FHAD1: variants seen among roughly 807,000 people sequenced by gnomAD.
FHAD1 encodes the protein forkhead-associated domain-containing protein 1.
In FHAD1, 146 loss-of-function variants were observed where a neutral mutation model predicts 191.3. That is an observed-to-expected ratio of 0.76 (90% CI 0.67 to 0.88). The LOEUF (loss-of-function observed/expected upper bound fraction) is 0.88, where lower values mean the gene tolerates loss of function less well. Among genes scored for constraint, FHAD1 ranks in the 40% least tolerant of loss-of-function variants. The pLI is 0.00. For missense variants in FHAD1, 1,635 were observed against 1,785.8 expected (o/e 0.92, Z 1.52); for synonymous variants, 616 against 672.3 (o/e 0.92, Z 1.29).
chr1:15,328,503 A>C (rs1471452793), intron 13 of FHAD1, 74 bp downstream of exon 13: 1 of 1,264,604 alleles, frequency 7.9e-7, no homozygotes, highest in East Asian at 3.0e-5. Context: ...GAAATTGCCC[A>C]GCTTTTTTGG....
chr1:15,347,936 T>C (rs1455097877), intron 18 of FHAD1, among the ~76,000 whole-genome samples: 2 of 152,158 alleles, frequency 1.3e-5, no homozygotes, highest in African/African-American at 2.4e-5. Context: ...CTCTTACCAA[T>C]AGTACCTGTC....
intron 2 of FHAD1, among the ~76,000 whole-genome samples, chr1:15,263,186 A>T (rs955533116): frequency 6.6e-6 from 1 of 152,128 alleles, no homozygotes; most frequent in Non-Finnish European, 1.5e-5. Flanking sequence ...GGGGTTCTTT[A>T]TATATCATGG....
intron 20 of FHAD1, among the ~76,000 whole-genome samples, chr1:15,354,726 C>G (rs1337356023): frequency 2.0e-5 from 3 of 152,082 alleles, no homozygotes; most frequent in African/African-American, 7.2e-5. Context: ...AATTTTTACT[C>G]CAGCAATTAC....
Position 15,316,704 on chromosome 1 carries a change from C to T in FHAD1, c.1260+237C>T, listed in dbSNP as rs944341816. On this transcript the variant is annotated intron_variant, in intron 9 of 33. Transcript: ENST00000688493. The surrounding 1 kb of genome is among the most constrained non-coding windows in gnomAD (Gnocchi z 4.3). ...CTCCCTCAAGGGTTTCCCCTGGGGC[C>T]AGGTTGGGGTTGAGACCGGGGACAG... 6.6e-6 allele frequency among the ~76,000 whole-genome samples: 1 copy of T among 152,150 alleles called. No individual in the cohort carries two copies. Among genetic ancestry groups the T allele is most frequent in the Admixed American group, 6.5e-5 (1 of 15,282 alleles).
At chr1:15,255,019 A>T (rs1399377705) in intron 2 of FHAD1, among the ~76,000 whole-genome samples, 1 of 152,134 alleles carries the variant, frequency 6.6e-6, no homozygotes, top group Non-Finnish European at 1.5e-5. Context: ...ATCATGCTGG[A>T]TCAGCTAGAA....
intron 3 of FHAD1, among the ~76,000 whole-genome samples, chr1:15,273,824 G>A (rs576272207): frequency 8.5e-5 from 13 of 152,182 alleles, no homozygotes; most frequent in East Asian, 1.9e-4. Context: ...TCACACCGTC[G>A]ATCCACAGAA....
intron 33 of FHAD1, among the ~76,000 whole-genome samples, chr1:15,395,428 C>T (rs1570694915): frequency 6.6e-6 from 1 of 152,280 alleles, no homozygotes; most frequent in East Asian, 1.9e-4. Context: ...CCTCTCCATA[C>T]CTCTGCTGAT....
chr1:15,299,712 A>G (rs1428354235), intron 5 of FHAD1, among the ~76,000 whole-genome samples: 13 of 152,266 alleles, frequency 8.5e-5, no homozygotes, highest in Admixed American at 8.5e-4. Context: ...TCTGTACTTC[A>G]GTGCCCAGCA....
chr1:15,377,654 C>T (rs151296581), intron 28 of FHAD1, among the ~76,000 whole-genome samples: 4 of 152,000 alleles, frequency 2.6e-5, no homozygotes, highest in African/African-American at 7.2e-5. Flanking sequence ...GCCTGGGCAA[C>T]ATGGCGAGAC....
Position 15,240,645 on chromosome 1 carries a change from A to G in FHAD1, c.-15+3884A>G, listed in dbSNP as rs1418902542. On this transcript the variant is annotated intron_variant, in intron 1 of 33. Coordinates refer to the FHAD1 transcript ENST00000683790. The stretch of plus-strand genomic sequence containing the variant: ...GACCCTGTCTCAAAAAAAAAAAAAA[A>G]AAGAAAGAAAAAGAAAAAAGAAAGC... Among the ~76,000 whole-genome samples, 37 of 149,876 alleles carry G rather than the reference A, an allele frequency of 2.5e-4. 1 individual carries two copies. In the South Asian group the frequency reaches 6.6e-3, roughly 27 times the overall value.
chr1:15,258,335 T>C (rs1649295117), intron 2 of FHAD1, among the ~76,000 whole-genome samples: 1 of 152,224 alleles, frequency 6.6e-6, no homozygotes, highest in South Asian at 2.1e-4. Context: ...GACTATACTA[T>C]ACGCTGAATC....
At position 15,281,795 on chromosome 1, in the gene FHAD1, G is replaced by A. The variant is rs528555821; in HGVS notation, c.301-7604G>A. On this transcript the variant is annotated intron_variant, in intron 3 of 33. Transcript: ENST00000688493. ...AAAAAAAAAAAAAAAGGAGAGGGGA[G>A]GAAGGGGGCATTGATTAAGACTCAG... 2.0e-5 allele frequency among the ~76,000 whole-genome samples: 3 copies of A among 151,228 alleles called. No individual in the cohort carries two copies. The South Asian group carries it at 6.3e-4, about 32-fold the overall frequency.
intron 2 of FHAD1, among the ~76,000 whole-genome samples, chr1:15,256,645 CAAAAAAAAAAAAA>C (rs34598860): frequency 3.8e-4 from 27 of 71,296 alleles, no homozygotes; most frequent in African/African-American, 1.2e-3. Context: ...AGACTCTGTC[CAAAAAAAAAAAAA>C]AAAAAAAAAA....
chr1:15,313,649 C>T (rs1477194930), intron 8 of FHAD1, among the ~76,000 whole-genome samples: 1 of 152,148 alleles, frequency 6.6e-6, no homozygotes, highest in East Asian at 1.9e-4. Context: ...GCACAGTCAC[C>T]TTCGAAGCAG....
chr1:15,382,865 C>T (rs1036252845), intron 31 of FHAD1, among the ~76,000 whole-genome samples: 1 of 152,182 alleles, frequency 6.6e-6, no homozygotes, highest in African/African-American at 2.4e-5. Context: ...GGTGGACATT[C>T]CCGGCTGAAG....
rs773986688 is a variant in FHAD1, at chr1:15,345,092, G to A, written c.2140G>A (p.Glu714Lys). Residue 714 changes from glutamate (E) to lysine (K), a missense_variant, in exon 17 of 34, where the codon GAG (glutamate) becomes AAG (lysine). Coordinates refer to ENST00000688493, the MANE Select transcript of FHAD1 (RefSeq NM_001391957.1). ...QLTEEKAALEEYITQERNRAK... is the reference protein window; with the variant it reads ...QLTEEKAALEKYITQERNRAK... Reference sequence around the variant, plus strand: ...GGTCATTGGTTTCCAGGCTTTGGAGGAGTACATTACTCAAGAGAGAAACAG... The same window carrying A: ...GGTCATTGGTTTCCAGGCTTTGGAGAAGTACATTACTCAAGAGAGAAACAG... The A allele has an allele frequency of 7.7e-6, 12 of 1,551,520 alleles. No homozygotes were observed. The highest frequency in any genetic ancestry group is 1.0e-5 in the Non-Finnish European group (12 of 1,146,738).
rs917567255 is a variant in FHAD1, at chr1:15,263,687, A to G, written c.94-8636A>G. On this transcript the variant is annotated intron_variant, in intron 2 of 33. Coordinates refer to ENST00000688493, the MANE Select transcript of FHAD1 (RefSeq NM_001391957.1). ...CAGGCACCTGCCACCACGCCCAACT[A>G]ATTTTTTGTATTTTTAGTAGAGGCG... Among the ~76,000 whole-genome samples the G allele has an allele frequency of 1.6e-4, 25 of 151,632 alleles. No individual in the cohort carries two copies. In the East Asian group the frequency reaches 3.7e-3, roughly 22 times the overall value.
At chr1:15,237,844 T>C (rs1325261728) in intron 1 of FHAD1, among the ~76,000 whole-genome samples, 1 of 152,100 alleles carries the variant, frequency 6.6e-6, no homozygotes, top group Non-Finnish European at 1.5e-5. Context: ...AATAAAATGA[T>C]TCAGAGGAAA....
intron 1 of FHAD1, among the ~76,000 whole-genome samples, chr1:15,241,868 G>A (rs1645414488): frequency 6.6e-6 from 1 of 152,158 alleles, no homozygotes; most frequent in South Asian, 2.1e-4. Flanking sequence ...CAGCCCATTT[G>A]TAATGCTATA....
Sources: allele counts gnomAD v4.1 joint callset (sites outside exome capture counted in the v4.1 genomes callset), GRCh38; gene constraint gnomAD v4.1.1; non-coding constraint Gnocchi (gnomAD v3.1); transcripts MANE v1.5; gene names NCBI Gene and HGNC (gene_info 2026-07-23, HGNC 2026-07-21).